The following LAT2 variants were observed in gnomAD, a reference collection of about 807,000 sequenced individuals.
LAT2 encodes the protein linker for activation of T-cells family member 2.
Under a neutral mutation model 43.4 loss-of-function variants are expected in LAT2, and 23 were observed. The observed-to-expected ratio is 0.53, with a 90% CI of 0.38 to 0.75. The LOEUF (loss-of-function observed/expected upper bound fraction) is 0.75. Ranked by LOEUF, LAT2 falls within the 30% of genes least tolerant of loss-of-function variation. LAT2 has a pLI of 0.00. For synonymous variants in LAT2, 128 were observed against 123.2 expected (o/e 1.04, Z -0.26); for missense variants, 284 against 310.2 (o/e 0.92, Z 0.64).
intron 10 of LAT2, among the ~76,000 whole-genome samples, chr7:74,223,252 C>G (rs1419963424): frequency 6.6e-6 from 1 of 152,160 alleles, no homozygotes; most frequent in Admixed American, 6.6e-5. Context: ...GCCTGTAATC[C>G]CAACATTTTG....
chr7:74,223,135 T>G (rs1453603676), intron 10 of LAT2, among the ~76,000 whole-genome samples: 1 of 151,916 alleles, frequency 6.6e-6, no homozygotes, highest in African/African-American at 2.4e-5. Flanking sequence ...TCCCTCCCTC[T>G]CTCCAGCCAC....
At chr7:74,218,821 C>CA (rs1260989875) in intron 4 of LAT2, among the ~76,000 whole-genome samples, 6 of 152,074 alleles carry the variant, frequency 3.9e-5, no homozygotes, top group African/African-American at 1.4e-4. Flanking sequence ...CTCAGCCTCC[C>CA]GAGTAGCTGG....
At chr7:74,211,209 T>C (rs1451941059) in intron 1 of LAT2, among the ~76,000 whole-genome samples, 4 of 152,022 alleles carry the variant, frequency 2.6e-5, no homozygotes, top group Non-Finnish European at 5.9e-5. Context: ...CCCACCTGCT[T>C]TCAGAACCTG....
chr7:74,220,074 A>C lies in LAT2; in HGVS notation c.227+66A>C, dbSNP rs1584219927. 6.3e-7 allele frequency: 1 copy of C among 1,588,540 alleles called. No homozygotes were observed. Among genetic ancestry groups the C allele is most frequent in the East Asian group, 2.3e-5 (1 of 44,156 alleles). ...CTGGAGGTCCTCACCTGGTGAGCCCAGGTCAAGACCTCCCTCCCTCCCCGA... is the reference window on the plus strand; with the variant it reads ...CTGGAGGTCCTCACCTGGTGAGCCCCGGTCAAGACCTCCCTCCCTCCCCGA... On this transcript the variant is annotated intron_variant, in intron 6 of 13. Transcript: ENST00000460943. The surrounding 1 kb of genome is among the most constrained non-coding windows in gnomAD (Gnocchi z 4.5).
At chr7:74,214,538 AT>A (rs1430258544) in intron 1 of LAT2, among the ~76,000 whole-genome samples, 1,176 of 11,242 alleles carry the variant, frequency 0.1, 414 homozygotes, top group Middle Eastern at 0.38. Flanking sequence ...ATATATATGA[AT>A]ATATATATAT....
chr7:74,219,275 A>AG (rs1221373075), intron 4 of LAT2, among the ~76,000 whole-genome samples: 5 of 152,228 alleles, frequency 3.3e-5, no homozygotes, highest in African/African-American at 1.2e-4. Flanking sequence ...CCCTGGGACC[A>AG]GCAGGTGGGA....
At chr7:74,224,245 G>C in intron 12 of LAT2, 48 bp downstream of exon 12, 1 of 1,582,844 alleles carries the variant, frequency 6.3e-7, no homozygotes, top group South Asian at 1.1e-5. Flanking sequence ...GGGCAGGCTT[G>C]AGGGACTGGC....
intron 1 of LAT2, among the ~76,000 whole-genome samples, chr7:74,213,526 G>A (rs1399890850): frequency 6.7e-6 from 1 of 149,664 alleles, no homozygotes; most frequent in African/African-American, 2.5e-5. Flanking sequence ...CTAGGTTCAA[G>A]TGATTCTCTT....
chr7:74,220,473 T>A lies in LAT2; in HGVS notation c.266-111T>A. 6.9e-7 allele frequency: 1 copy of A among 1,445,476 alleles called. No homozygotes were observed. The highest frequency in any genetic ancestry group is 1.2e-5 in the South Asian group (1 of 85,646). The allele number at this position is 1,445,476 out of a possible 1,614,324, so 89.5% of individuals were successfully genotyped here. ...GCCCCACTGAGGGGACAGGGAGCAC[T>A]GCAAAGGCTCAGACACGGGAAATAG... On this transcript the variant is annotated intron_variant, in intron 7 of 13. Transcript: ENST00000460943. This position sits in a 1 kb window ranked among gnomAD's most constrained non-coding sequence, Gnocchi z 4.5.
chr7:74,220,168 C>G lies in LAT2; in HGVS notation c.228-49C>G, dbSNP rs1260865598. The G allele has an allele frequency of 6.4e-7, 1 of 1,571,894 alleles. No homozygotes were observed. Among genetic ancestry groups the G allele is most frequent in the Non-Finnish European group, 8.7e-7 (1 of 1,153,460 alleles). On this transcript the variant is annotated intron_variant, in intron 6 of 13. Coordinates refer to ENST00000460943, the MANE Select transcript of LAT2 (RefSeq NM_032464.3). This position sits in a 1 kb window ranked among gnomAD's most constrained non-coding sequence, Gnocchi z 4.5. ...TATGGGGGGATGTGTCCTGGGGGGC[C>G]TCTCCCCTACAGCCCCTCCTTTAAC...
intron 1 of LAT2, among the ~76,000 whole-genome samples, chr7:74,214,202 A>T (rs1801870022): frequency 9.3e-6 from 1 of 107,206 alleles, no homozygotes; most frequent in Non-Finnish European, 1.7e-5. Flanking sequence ...ATATATATGA[A>T]AATATATATG....
chr7:74,220,860 C>T lies in LAT2; in HGVS notation c.332+126C>T. ...CTGGGCTTCCTGGTCCAGGAACCACCTCTTGCACTAGAACGAGGCATCCAG... is the reference window on the plus strand; with the variant it reads ...CTGGGCTTCCTGGTCCAGGAACCACTTCTTGCACTAGAACGAGGCATCCAG... On this transcript the variant is annotated intron_variant, in intron 9 of 13. Coordinates refer to ENST00000460943, the MANE Select transcript of LAT2 (RefSeq NM_032464.3). The surrounding 1 kb of genome is among the most constrained non-coding windows in gnomAD (Gnocchi z 4.5). 1 of 784,998 alleles carries T rather than the reference C, an allele frequency of 1.3e-6. No individual in the cohort carries two copies. Among genetic ancestry groups the T allele is most frequent in the Non-Finnish European group, 2.0e-6 (1 of 502,932 alleles). 48.6% of individuals were successfully genotyped at this position (784,998 alleles called of 1,614,324 possible). A position where few individuals can be genotyped will look rare whatever the true frequency, so the allele number is the denominator to read the frequency against.
intron 9 of LAT2, 33 bp from the exon 10 acceptor site, chr7:74,221,604 T>C (rs1554715277): frequency 2.5e-6 from 4 of 1,600,422 alleles, no homozygotes; most frequent in Non-Finnish European, 3.4e-6. Flanking sequence ...CAGCCTGCCC[T>C]GAAACCTGTG....
intron 4 of LAT2, among the ~76,000 whole-genome samples, chr7:74,217,922 C>G (rs1802100820): frequency 6.6e-6 from 1 of 152,326 alleles, no homozygotes; most frequent in African/African-American, 2.4e-5. Context: ...ATCTTCCCAT[C>G]CTTGCTCATC....
rs537702269 is a variant in LAT2, at chr7:74,216,877, G to T, written c.134+13G>T. On this transcript the variant is annotated intron_variant, in intron 4 of 13. Coordinates refer to ENST00000460943, the MANE Select transcript of LAT2 (RefSeq NM_032464.3). ...AGCAGAGAAGTCTGTGAGTTGCCTC[G>T]ATGTCCCTAGCCTGGTGTATTCATG... 6.2e-7 allele frequency: 1 copy of T among 1,612,028 alleles called. No individual in the cohort carries two copies. The highest frequency in any genetic ancestry group is 1.1e-5 in the South Asian group (1 of 91,034).
chr7:74,220,276 C>G lies in LAT2; in HGVS notation c.265+22C>G. ...GAGGGTGAGTGGCACAGGGCAGGGA[C>G]AGGGACAGGCCTAGCCAAGCTGGGA... On this transcript the variant is annotated intron_variant, in intron 7 of 13. Transcript: ENST00000460943. This position sits in a 1 kb window ranked among gnomAD's most constrained non-coding sequence, Gnocchi z 4.5. The G allele has an allele frequency of 2.5e-6, 4 of 1,607,252 alleles. No homozygotes were observed. Among genetic ancestry groups the G allele is most frequent in the Non-Finnish European group, 2.6e-6 (3 of 1,175,864 alleles).
chr7:74,225,724 G>A (rs148910861), intron 13 of LAT2: 3 of 152,378 alleles, frequency 2.0e-5, no homozygotes, highest in African/African-American at 7.2e-5. Context: ...ACCCCCAGAG[G>A]GCCTTGAAGG....
intron 10 of LAT2, among the ~76,000 whole-genome samples, chr7:74,222,719 G>A (rs533081433): frequency 8.5e-5 from 13 of 152,070 alleles, no homozygotes; most frequent in South Asian, 6.2e-4. Context: ...GATTACAGGC[G>A]CCTGCCACCA....
chr7:74,225,780 A>C (rs536748729), intron 13 of LAT2: 2 of 152,494 alleles, frequency 1.3e-5, no homozygotes, highest in East Asian at 3.9e-4. Flanking sequence ...CATCTCAGCG[A>C]GCAGGCTGGA....
Sources: allele counts gnomAD v4.1 joint callset (sites outside exome capture counted in the v4.1 genomes callset), GRCh38; gene constraint gnomAD v4.1.1; non-coding constraint Gnocchi (gnomAD v3.1); transcripts MANE v1.5; gene names NCBI Gene and HGNC (gene_info 2026-07-23, HGNC 2026-07-21).